The following TMEM196 variants were observed in gnomAD, a reference collection of about 807,000 sequenced individuals.
TMEM196 encodes transmembrane protein 196.
In TMEM196, 17 loss-of-function variants were observed where a neutral mutation model predicts 20.0. The ratio of observed to expected loss-of-function variants is 0.85; its 90% CI spans 0.58 to 1.27. TMEM196 has a LOEUF of 1.27. Ranked by LOEUF, TMEM196 falls within the 50% of genes most tolerant of loss-of-function variation. TMEM196 has a pLI of 0.00. For missense variants in TMEM196, 267 were observed against 223.0 expected (o/e 1.20, Z -1.26); for synonymous variants, 113 against 88.9 (o/e 1.27, Z -1.52).
intron 1 of TMEM196, among the ~76,000 whole-genome samples, chr7:19,750,752 C>T (rs564114395): frequency 2.0e-5 from 3 of 152,270 alleles, no homozygotes; most frequent in African/African-American, 7.2e-5. Flanking sequence ...AAAATAACAT[C>T]ATTCCTTCAG....
At chr7:19,756,963 T>C (rs927341469) in intron 1 of TMEM196, among the ~76,000 whole-genome samples, 2 of 152,178 alleles carry the variant, frequency 1.3e-5, no homozygotes, top group African/African-American at 4.8e-5. Flanking sequence ...TATTGGCTAC[T>C]ACATTTTACC....
intron 1 of TMEM196, among the ~76,000 whole-genome samples, chr7:19,755,617 G>A (rs980183484): frequency 6.6e-6 from 1 of 152,172 alleles, no homozygotes; most frequent in Non-Finnish European, 1.5e-5. Flanking sequence ...TGTAACACCT[G>A]TTTCTGGTGT....
intron 1 of TMEM196, among the ~76,000 whole-genome samples, chr7:19,759,993 A>C (rs1054780147): frequency 5.9e-5 from 9 of 152,156 alleles, no homozygotes; most frequent in African/African-American, 2.2e-4. Flanking sequence ...TTCCTGCTCA[A>C]AAGTTTTCCA....
rs770139344 is a variant in TMEM196, at chr7:19,725,664, C to T, written c.309G>A (p.Leu103=). The T allele has an allele frequency of 5.0e-6, 8 of 1,613,978 alleles. No homozygotes were observed. Among genetic ancestry groups the T allele is most frequent in the South Asian group, 3.3e-5 (3 of 91,082 alleles). The stretch of plus-strand genomic sequence containing the variant: ...ACGCGAGAGACATGGAGGCAAGGTG[C>T]AGTGGGTATAGGGAGGAAGTTTTCT... ...VTKKTSSLYP[L]HLASMSLACI... is the part of the protein sequence containing the mutation. Residue 103 remains leucine (L), a synonymous_variant, in exon 3 of 5, where the codon CTG becomes CTA. Coordinates refer to ENST00000405844, the MANE Select transcript of TMEM196 (RefSeq NM_001363562.2).
At chr7:19,734,823 C>A (rs1487690860) in intron 1 of TMEM196, among the ~76,000 whole-genome samples, 1 of 151,988 alleles carries the variant, frequency 6.6e-6, no homozygotes, top group Non-Finnish European at 1.5e-5. Context: ...GTTACAGAAG[C>A]AACAGGAAAC....
rs1783772920 is a variant in TMEM196, at chr7:19,720,340, A to G, written c.*1788T>C. Reference sequence around the variant, plus strand: ...GATTTAAATAGGTTAAACGATGATCATGTTGCTATAAAAGACCTTCAAATT... The same window carrying G: ...GATTTAAATAGGTTAAACGATGATCGTGTTGCTATAAAAGACCTTCAAATT... On this transcript the variant is annotated 3_prime_UTR_variant, in exon 5 of 5. Transcript: ENST00000405844. 2.0e-5 allele frequency: 3 copies of G among 152,046 alleles called. No individual in the cohort carries two copies. The South Asian group carries it at 6.2e-4, about 31-fold the overall frequency. 9.4% of individuals were successfully genotyped at this position (152,046 alleles called of 1,614,324 possible).
chr7:19,743,822 G>A (rs1215416810), intron 1 of TMEM196, among the ~76,000 whole-genome samples: 4 of 152,020 alleles, frequency 2.6e-5, no homozygotes. Context: ...ATCTTGACAA[G>A]GCAAATAGGG....
In TMEM196 at chr7:19,719,943, C is replaced by T. The variant is rs1783761107; in HGVS notation, c.*2185G>A. On this transcript the variant is annotated 3_prime_UTR_variant, in exon 5 of 5. Transcript: ENST00000405844. ...TAGATCAGTTCAAAAGGCATTACAA[C>T]ATTTTTCTGATGTATTATAATTTTG... 1 of 151,996 alleles carries T rather than the reference C, an allele frequency of 6.6e-6. No individual in the cohort carries two copies. The highest frequency in any genetic ancestry group is 1.5e-5 in the Non-Finnish European group (1 of 67,904). The allele number at this position is 151,996 out of a possible 1,614,324, so 9.4% of individuals were successfully genotyped here. A position where few individuals can be genotyped will look rare whatever the true frequency, so the allele number is the denominator to read the frequency against.
chr7:19,761,684 G>A (rs1785442437), intron 1 of TMEM196, among the ~76,000 whole-genome samples: 1 of 152,152 alleles, frequency 6.6e-6, no homozygotes, highest in Non-Finnish European at 1.5e-5. Flanking sequence ...TGCACATCAG[G>A]TAGTGACAGA....
chr7:19,752,627 T>G (rs925502117), intron 1 of TMEM196, among the ~76,000 whole-genome samples: 3 of 151,994 alleles, frequency 2.0e-5, no homozygotes, highest in Non-Finnish European at 4.4e-5. Flanking sequence ...CTTTCTTTCT[T>G]TTTTTGAGAT....
rs751257513 is a variant in TMEM196, at chr7:19,721,075, C to T, written c.*1053G>A. 2.6e-5 allele frequency: 4 copies of T among 151,790 alleles called. No homozygotes were observed. The highest frequency in any genetic ancestry group is 5.9e-5 in the Non-Finnish European group (4 of 67,794). The allele number at this position is 151,790 out of a possible 1,614,324, so 9.4% of individuals were successfully genotyped here. The stretch of plus-strand genomic sequence containing the variant: ...GTCAAATAAGTAGTCTATCTGTATA[C>T]TACACTATTCAGATCACTCATCTTC... On this transcript the variant is annotated 3_prime_UTR_variant, in exon 5 of 5. Coordinates refer to ENST00000405844, the MANE Select transcript of TMEM196 (RefSeq NM_001363562.2).
chr7:19,719,571 A>G lies in TMEM196; in HGVS notation c.*2557T>C, dbSNP rs1250685462. The G allele has an allele frequency of 1.3e-5, 2 of 152,030 alleles. No individual in the cohort carries two copies. Among genetic ancestry groups the G allele is most frequent in the African/African-American group, 4.8e-5 (2 of 41,414 alleles). 9.4% of individuals were successfully genotyped at this position (152,030 alleles called of 1,614,324 possible). On this transcript the variant is annotated 3_prime_UTR_variant, in exon 5 of 5. Transcript: ENST00000405844. ...CACATAGTTTTTCTAATTTAGTATC[A>G]CCTTACTTTCTTCCAAGGGTAGGCT...
rs1783803732 is a variant in TMEM196, at chr7:19,721,280, A to G, written c.*848T>C. The stretch of plus-strand genomic sequence containing the variant: ...CCCACAGCATCACAATTTCTTTTCT[A>G]ATACCTATTTACATTCATGTATGCT... On this transcript the variant is annotated 3_prime_UTR_variant, in exon 5 of 5. Transcript: ENST00000405844. The G allele has an allele frequency of 6.6e-6, 1 of 151,910 alleles. No individual in the cohort carries two copies. Among genetic ancestry groups the G allele is most frequent in the Admixed American group, 6.6e-5 (1 of 15,232 alleles). 9.4% of individuals were successfully genotyped at this position (151,910 alleles called of 1,614,324 possible).
intron 1 of TMEM196, among the ~76,000 whole-genome samples, chr7:19,743,611 G>A (rs921776763): frequency 8.5e-5 from 13 of 152,140 alleles, no homozygotes; most frequent in Non-Finnish European, 1.9e-4. Flanking sequence ...TAGTAAGCTA[G>A]AATGAGCTGT....
chr7:19,757,279 T>C (rs1262272873), intron 1 of TMEM196, among the ~76,000 whole-genome samples: 1 of 150,846 alleles, frequency 6.6e-6, no homozygotes, highest in Non-Finnish European at 1.5e-5. Context: ...GTTCAAGCGA[T>C]TCTCTCATCT....
intron 2 of TMEM196, among the ~76,000 whole-genome samples, chr7:19,729,011 A>C (rs1784096936): frequency 2.0e-5 from 3 of 152,202 alleles, no homozygotes; most frequent in Admixed American, 2.0e-4. Flanking sequence ...TTCCATATTT[A>C]AATGGTTACA....
At chr7:19,739,585 G>C (rs1784517658) in intron 1 of TMEM196, among the ~76,000 whole-genome samples, 1 of 152,044 alleles carries the variant, frequency 6.6e-6, no homozygotes, top group East Asian at 1.9e-4. Flanking sequence ...GGGCAGCCTG[G>C]GGAAAATATT....
intron 1 of TMEM196, among the ~76,000 whole-genome samples, chr7:19,731,019 A>G (rs1784183853): frequency 6.6e-6 from 1 of 152,232 alleles, no homozygotes; most frequent in Non-Finnish European, 1.5e-5. Context: ...TTGGGAGACA[A>G]CAAAGTTAAA....
chr7:19,741,139 T>A (rs1006445011), intron 1 of TMEM196, among the ~76,000 whole-genome samples: 15 of 152,164 alleles, frequency 9.9e-5, no homozygotes, highest in African/African-American at 3.6e-4. Context: ...CGGGCGAGTT[T>A]ATGAAGAAAA....
Sources: gnomAD v4.1 joint callset for allele counts (sites outside exome capture counted in the v4.1 genomes callset) on GRCh38, gnomAD v4.1.1 for gene constraint, MANE v1.5 for transcripts, NCBI Gene and HGNC (gene_info 2026-07-23, HGNC 2026-07-21) for gene names.